Variants in UBE2U observed in about 807,000 individuals in gnomAD.
UBE2U encodes the protein ubiquitin-conjugating enzyme E2 U.
UBE2U carries 39 observed loss-of-function variants against 41.2 expected under a neutral mutation model. That is an observed-to-expected ratio of 0.95 (90% CI 0.73 to 1.24). The LOEUF (loss-of-function observed/expected upper bound fraction) is 1.24. UBE2U is among the 50% of genes most tolerant of loss of function. The probability of loss-of-function intolerance (pLI) is 0.00; values close to 1 mark genes in which losing one functional copy is unlikely to be tolerated. For synonymous variants in UBE2U, 107 were observed against 117.8 expected, an observed-to-expected ratio of 0.91 and a Z score of 0.60; for missense variants, 336 against 363.1, an observed-to-expected ratio of 0.93 and a Z score of 0.61.
chr1:64,218,774 A>G (rs1203400914), intron 5 of UBE2U, among the ~76,000 whole-genome samples: 2 of 152,226 alleles, frequency 1.3e-5, no homozygotes, highest in African/African-American at 2.4e-5. Context: ...TAAACCATAA[A>G]TGATTATCTT....
At chr1:64,204,813 G>A (rs1242632733) in intron 1 of UBE2U, among the ~76,000 whole-genome samples, 2 of 152,154 alleles carry the variant, frequency 1.3e-5, no homozygotes, top group South Asian at 2.1e-4. Flanking sequence ...GTTGCTTCAG[G>A]TGTAGTTCAG....
At chr1:64,260,566 T>G in intron 8 of UBE2U, 37 bp from the exon 9 acceptor site, 1 of 1,498,478 alleles carries the variant, frequency 6.7e-7, no homozygotes, top group Non-Finnish European at 9.0e-7. Flanking sequence ...CTTACCAAAA[T>G]TCATTTGGGA....
At chr1:64,209,230 T>G (rs1428495874) in intron 3 of UBE2U, among the ~76,000 whole-genome samples, 1 of 152,144 alleles carries the variant, frequency 6.6e-6, no homozygotes, top group Non-Finnish European at 1.5e-5. Flanking sequence ...GGTACTCTTA[T>G]CCCCTAGTCC....
intron 7 of UBE2U, among the ~76,000 whole-genome samples, chr1:64,232,980 G>A (rs1644597820): frequency 1.3e-5 from 2 of 151,230 alleles, no homozygotes; most frequent in African/African-American, 2.4e-5. Flanking sequence ...ATAGGCAAAA[G>A]CCACTATGCA....
intron 1 of UBE2U, 77 bp downstream of exon 1, chr1:64,204,193 ATAAG>A: frequency 7.2e-7 from 1 of 1,392,786 alleles, no homozygotes; most frequent in African/African-American, 1.4e-5. Context: ...ATTTTATTCT[ATAAG>A]TAGTAATTTA....
intron 9 of UBE2U, among the ~76,000 whole-genome samples, chr1:64,264,079 A>T: frequency 6.6e-6 from 1 of 151,974 alleles, no homozygotes; most frequent in East Asian, 1.9e-4. Context: ...CCTGTGTTAG[A>T]CTCTCACTCT....
intron 8 of UBE2U, among the ~76,000 whole-genome samples, chr1:64,255,127 G>A (rs1178702972): frequency 1.3e-5 from 2 of 152,050 alleles, no homozygotes; most frequent in African/African-American, 2.4e-5. Flanking sequence ...AACAACCAGA[G>A]AATACTATAA....
intron 8 of UBE2U, among the ~76,000 whole-genome samples, chr1:64,249,293 G>A (rs550546939): frequency 6.4e-4 from 95 of 148,102 alleles, no homozygotes; most frequent in South Asian, 3.0e-3. Context: ...CAGGAGAATC[G>A]CTTGAACCTG....
At chr1:64,250,292 A>G (rs534368084) in intron 8 of UBE2U, among the ~76,000 whole-genome samples, 1 of 152,354 alleles carries the variant, frequency 6.6e-6, no homozygotes, top group South Asian at 2.1e-4. Context: ...TTAAAAAGAA[A>G]TGAACAACCT....
chr1:64,252,596 C>T (rs565478886), intron 8 of UBE2U, among the ~76,000 whole-genome samples: 17 of 152,238 alleles, frequency 1.1e-4, no homozygotes, highest in African/African-American at 4.1e-4. Context: ...GTGATACTTC[C>T]AAGTACAGGA....
At chr1:64,248,436 A>C (rs1440542092) in intron 8 of UBE2U, among the ~76,000 whole-genome samples, 2 of 152,214 alleles carry the variant, frequency 1.3e-5, no homozygotes, top group Non-Finnish European at 2.9e-5. Flanking sequence ...TTACTAATGG[A>C]AGGATACAGT....
chr1:64,243,934 T>C (rs531893065), intron 8 of UBE2U, among the ~76,000 whole-genome samples: 1 of 152,298 alleles, frequency 6.6e-6, no homozygotes, highest in South Asian at 2.1e-4. Flanking sequence ...GCAAGGTCAC[T>C]GATTTTTTTT....
At chr1:64,209,437 G>C (rs568943598) in intron 3 of UBE2U, among the ~76,000 whole-genome samples, 122 of 152,240 alleles carry the variant, frequency 8.0e-4, no homozygotes, top group African/African-American at 2.9e-3. Context: ...TGACCATACT[G>C]GGTATAGTCT....
chr1:64,228,583 A>G (rs186807407), intron 6 of UBE2U, among the ~76,000 whole-genome samples: 2 of 152,150 alleles, frequency 1.3e-5, no homozygotes, highest in Admixed American at 1.3e-4. Flanking sequence ...AAATGGCCAG[A>G]TGGTGAAGAG....
chr1:64,203,709 T>G lies in UBE2U; in HGVS notation c.-342T>G, dbSNP rs549461253. ...GCTAGGACCCTGATAGGCGTACACC[T>G]CTCACTCCCACTCACGCGCCGACGA... On this transcript the variant is annotated 5_prime_UTR_variant, in exon 1 of 10. Transcript: ENST00000371077. 1.0e-4 allele frequency: 21 copies of G among 210,562 alleles called. No homozygotes were observed. The highest frequency in any genetic ancestry group is 4.5e-4 in the African/African-American group (20 of 44,032). The allele number at this position is 210,562 out of a possible 1,614,324, so 13.0% of individuals were successfully genotyped here.
intron 7 of UBE2U, among the ~76,000 whole-genome samples, chr1:64,241,165 A>G (rs1363584405): frequency 2.0e-5 from 3 of 152,202 alleles, no homozygotes; most frequent in African/African-American, 7.2e-5. Flanking sequence ...AAGCACAGGG[A>G]CTTCCTTATC....
intron 6 of UBE2U, among the ~76,000 whole-genome samples, chr1:64,223,075 T>C (rs1198248473): frequency 6.6e-6 from 1 of 152,186 alleles, no homozygotes; most frequent in Non-Finnish European, 1.5e-5. Flanking sequence ...GTACTTAGAA[T>C]GTACTTAGAA....
chr1:64,232,609 AAT>A lies in UBE2U; in HGVS notation c.557_558del (p.Ile186SerfsTer50). 6.2e-7 allele frequency: 1 copy of A among 1,613,652 alleles called. No individual in the cohort carries two copies. The highest frequency in any genetic ancestry group is 8.5e-7 in the Non-Finnish European group (1 of 1,179,740). ...GTGATTACTACCAGACATGGTCCAGAATAGCTACATCAAAAGCCACAGAATAC... is the reference window on the plus strand; with the variant it reads ...GTGATTACTACCAGACATGGTCCAGAAGCTACATCAAAAGCCACAGAATAC... ...FSDYYQTWSRIATSKATEYYR... is the reference protein window; with the variant it reads ...FSDYYQTWSRXATSKATEYYR... On this transcript the variant is annotated frameshift_variant, in exon 7 of 10. Transcript: ENST00000371077. LOFTEE classifies it high-confidence loss of function.
intron 5 of UBE2U, among the ~76,000 whole-genome samples, chr1:64,216,217 G>A (rs1652002497): frequency 6.6e-6 from 1 of 152,140 alleles, no homozygotes; most frequent in African/African-American, 2.4e-5. Flanking sequence ...CTACGACAAA[G>A]TTCTTGGGGG....
Sources: gnomAD v4.1 joint callset for allele counts (sites outside exome capture counted in the v4.1 genomes callset) on GRCh38, gnomAD v4.1.1 for gene constraint, MANE v1.5 for transcripts, NCBI Gene and HGNC (gene_info 2026-07-23, HGNC 2026-07-21) for gene names.